Variants in NKD1 observed in about 807,000 individuals in gnomAD.
NKD1 encodes protein naked cuticle homolog 1.
NKD1 carries 21 observed loss-of-function variants against 56.0 expected under a neutral mutation model. That is an observed-to-expected ratio of 0.38 (90% CI 0.27 to 0.54). The LOEUF is 0.54. NKD1 is among the 20% of genes least tolerant of loss of function. The pLI is 0.82. For missense variants in NKD1, 578 were observed against 642.7 expected, an observed-to-expected ratio of 0.90 and a Z score of 1.09; for synonymous variants, 263 against 265.7, an observed-to-expected ratio of 0.99 and a Z score of 0.10.
At chr16:50,564,022 G>A (rs978585154) in intron 3 of NKD1, among the ~76,000 whole-genome samples, 1 of 152,272 alleles carries the variant, frequency 6.6e-6, no homozygotes, top group Admixed American at 6.5e-5. Context: ...GGGCAGGGAG[G>A]CGTCAAAGGA....
rs1960296713 is a variant in NKD1 at position 50,548,718 on chromosome 16, C to T, written c.27C>T (p.Ala9=). 3.4e-6 allele frequency: 5 copies of T among 1,456,340 alleles called. No homozygotes were observed. The highest frequency in any genetic ancestry group is 4.5e-6 in the Non-Finnish European group (5 of 1,113,654). The allele number at this position is 1,456,340 out of a possible 1,614,324, so 90.2% of individuals were successfully genotyped here. MGKLHSKP[A]AVCKRRESPE... is the part of the protein sequence containing the mutation. ...CGCCGCCTCGCGATGTGCCTGCAGC[C>T]GCCGTGTGCAAGCGCAGGGAGAGCC... is the stretch of plus-strand genomic sequence containing the variant. The change falls in exon 2 of 10, where the codon GCC becomes GCT. Residue 9 remains alanine (A), a splice_region_variant and synonymous_variant. Transcript: ENST00000268459.
At chr16:50,597,103 A>G (rs1256128463) in intron 3 of NKD1, among the ~76,000 whole-genome samples, 1 of 152,164 alleles carries the variant, frequency 6.6e-6, no homozygotes, top group Non-Finnish European at 1.5e-5. Flanking sequence ...CGACGAGGGC[A>G]GAGAATAGAA....
intron 3 of NKD1, among the ~76,000 whole-genome samples, chr16:50,592,536 G>A (rs936365688): frequency 1.3e-5 from 2 of 152,204 alleles, no homozygotes; most frequent in African/African-American, 4.8e-5. Flanking sequence ...AGCTCTGTAA[G>A]GGCCTTCAGT....
At chr16:50,579,478 C>G (rs1457491481) in intron 3 of NKD1, among the ~76,000 whole-genome samples, 1 of 129,788 alleles carries the variant, frequency 7.7e-6, no homozygotes, top group Non-Finnish European at 1.6e-5. Flanking sequence ...GTCCTGCGGG[C>G]TACCCGCTAC....
Position 50,643,107 on chromosome 16 carries a change from A to G in NKD1, c.*9326A>G, listed in dbSNP as rs1012971372. On this transcript the variant is annotated 3_prime_UTR_variant, in exon 10 of 10. Transcript: ENST00000268459. ...GGGGAAAGAGGTGGCCTCTGGAGCAATGCTTCGCTACCCTACATCTGGGTC... is the reference window on the plus strand; with the variant it reads ...GGGGAAAGAGGTGGCCTCTGGAGCAGTGCTTCGCTACCCTACATCTGGGTC... 2 of 152,190 alleles carry G rather than the reference A, an allele frequency of 1.3e-5. No individual in the cohort carries two copies. Among genetic ancestry groups the G allele is most frequent in the Admixed American group, 6.5e-5 (1 of 15,282 alleles). The allele number at this position is 152,190 out of a possible 1,614,324, so 9.4% of individuals were successfully genotyped here. A position where few individuals can be genotyped will look rare whatever the true frequency, so the allele number is the denominator to read the frequency against.
intron 3 of NKD1, among the ~76,000 whole-genome samples, chr16:50,594,030 CTG>C (rs1961423962): frequency 6.6e-6 from 1 of 152,146 alleles, no homozygotes; most frequent in Non-Finnish European, 1.5e-5. Flanking sequence ...AACTTACAGT[CTG>C]TGAAGCCAGC....
At chr16:50,615,465 C>G (rs1596745230) in intron 4 of NKD1, among the ~76,000 whole-genome samples, 3 of 152,178 alleles carry the variant, frequency 2.0e-5, no homozygotes, top group African/African-American at 7.2e-5. Flanking sequence ...GAGGGTGTGA[C>G]AGCATGCTGC....
At chr16:50,603,360 C>T (rs34102745) in intron 3 of NKD1, among the ~76,000 whole-genome samples, 4,298 of 152,276 alleles carry the variant, frequency 0.028, 104 homozygotes, top group East Asian at 0.14. Flanking sequence ...GCCTTGAGAG[C>T]GCCTGGCCAG....
rs1960934683 is a variant in NKD1, at chr16:50,573,732, T to A, written c.192+24177T>A. The A allele has an allele frequency of 1.0e-5, 8 of 803,342 alleles. No homozygotes were observed. The South Asian group carries it at 4.5e-4, about 45-fold the overall frequency. 49.8% of individuals were successfully genotyped at this position (803,342 alleles called of 1,614,324 possible). On this transcript the variant is annotated intron_variant, in intron 3 of 9. Transcript: ENST00000268459. Reference sequence around the variant, plus strand: ...GCAGCTGCTCCTAAAAGTGTCTCTGTGTATTAGAATAGCTTGGGGAAAATT... The same window carrying A: ...GCAGCTGCTCCTAAAAGTGTCTCTGAGTATTAGAATAGCTTGGGGAAAATT...
At chr16:50,588,988 G>A (rs939421000) in intron 3 of NKD1, among the ~76,000 whole-genome samples, 5 of 152,110 alleles carry the variant, frequency 3.3e-5, no homozygotes, top group African/African-American at 4.8e-5. Flanking sequence ...TTGTTGTGAC[G>A]ATTAAATGAG....
At chr16:50,601,448 G>C (rs1006546346) in intron 3 of NKD1, among the ~76,000 whole-genome samples, 1 of 152,222 alleles carries the variant, frequency 6.6e-6, no homozygotes, top group Non-Finnish European at 1.5e-5. Context: ...GTGCCTGCGT[G>C]GTACCAGGCG....
rs571605368 is a variant in NKD1 at position 50,583,323 on chromosome 16, C to T, written c.193-24971C>T. 2.2e-4 allele frequency among the ~76,000 whole-genome samples: 33 copies of T among 152,296 alleles called. No individual in the cohort carries two copies. The South Asian group carries it at 2.3e-3, about 11-fold the overall frequency. ...CTGGAGAAACTACTTGGAGAGGTCA[C>T]GTGGAGAGTGAGGCTCTGAGACCGA... On this transcript the variant is annotated intron_variant, in intron 3 of 9. Coordinates refer to ENST00000268459, the MANE Select transcript of NKD1 (RefSeq NM_033119.5).
In NKD1 at chr16:50,647,934, A is replaced by G. The variant is rs1409129636; in HGVS notation, c.*14153A>G. 6.6e-6 allele frequency: 1 copy of G among 152,234 alleles called. No individual in the cohort carries two copies. The highest frequency in any genetic ancestry group is 2.4e-5 in the African/African-American group (1 of 41,440). 9.4% of individuals were successfully genotyped at this position (152,234 alleles called of 1,614,324 possible). ...CATTCAGGGTTTGGGGCAGGTGTCA[A>G]CCACAAGAACATTAAACAGGCTCTT... is the stretch of plus-strand genomic sequence containing the variant. On this transcript the variant is annotated 3_prime_UTR_variant, in exon 10 of 10. Coordinates refer to ENST00000268459, the MANE Select transcript of NKD1 (RefSeq NM_033119.5).
rs1432342894 is a variant in NKD1, at chr16:50,633,263, G to A, written c.895G>A (p.Glu299Lys). 6.2e-7 allele frequency: 1 copy of A among 1,614,052 alleles called. No individual in the cohort carries two copies. The highest frequency in any genetic ancestry group is 1.1e-5 in the South Asian group (1 of 91,082). Residue 299 changes from glutamate to lysine, a missense_variant, in exon 10 of 10, where the codon GAG (glutamate) becomes AAG (lysine). Coordinates refer to ENST00000268459, the MANE Select transcript of NKD1 (RefSeq NM_033119.5). This position sits in a 1 kb window ranked among gnomAD's most constrained non-coding sequence, Gnocchi z 4.9. ...CAATCCCACTCGATCTCGCTCCCAT[G>A]AGCCGGAAGCCATCCACATCCCACA... is the stretch of plus-strand genomic sequence containing the variant. Reference protein sequence around the residue: ...TSNPTRSRSHEPEAIHIPHRK... With the variant: ...TSNPTRSRSHKPEAIHIPHRK...
chr16:50,549,447 C>G lies in NKD1; in HGVS notation c.84C>G (p.Ala28=). The change falls in exon 3 of 10, where the codon GCC becomes GCG. Residue 28 remains alanine, a synonymous_variant. Transcript: ENST00000268459. The part of the protein sequence containing the change: ...PEGDSFAVSA[A]WARKGIEEWI... ...GTGACAGCTTCGCCGTGAGCGCTGCCTGGGCTCGGAAGGGCATCGAGGAGT... is the reference window on the plus strand; with the variant it reads ...GTGACAGCTTCGCCGTGAGCGCTGCGTGGGCTCGGAAGGGCATCGAGGAGT... 6.2e-7 allele frequency: 1 copy of G among 1,611,528 alleles called. No individual in the cohort carries two copies. Among genetic ancestry groups the G allele is most frequent in the Non-Finnish European group, 8.5e-7 (1 of 1,178,980 alleles).
Position 50,637,386 on chromosome 16 carries a change from G to A in NKD1, c.*3605G>A, listed in dbSNP as rs940003479. ...GTTCGAGACCAACCTGGGCAACATG[G>A]TGAAACCCCGTTTCTACTAAAAATA... On this transcript the variant is annotated 3_prime_UTR_variant, in exon 10 of 10. Transcript: ENST00000268459. 1 of 152,178 alleles carries A rather than the reference G, an allele frequency of 6.6e-6. No homozygotes were observed. The highest frequency in any genetic ancestry group is 1.5e-5 in the Non-Finnish European group (1 of 68,052). 9.4% of individuals were successfully genotyped at this position (152,178 alleles called of 1,614,324 possible).
rs1962411284 is a variant in NKD1 at position 50,633,870 on chromosome 16, T to C, written c.*89T>C. 1.6e-6 allele frequency: 1 copy of C among 616,604 alleles called. No homozygotes were observed. Among genetic ancestry groups the C allele is most frequent in the Non-Finnish European group, 2.7e-6 (1 of 366,834 alleles). The allele number at this position is 616,604 out of a possible 1,614,324, so 38.2% of individuals were successfully genotyped here. On this transcript the variant is annotated 3_prime_UTR_variant, in exon 10 of 10. Transcript: ENST00000268459. The surrounding 1 kb of genome is among the most constrained non-coding windows in gnomAD (Gnocchi z 4.9). ...ATTATTCTATTAATTATTGTTATTA[T>C]GATGATTATTGTTATTAATAATTAT...
rs547667583 is a variant in NKD1, at chr16:50,632,089, G to A, written c.696-192G>A. 2.0e-5 allele frequency among the ~76,000 whole-genome samples: 3 copies of A among 152,342 alleles called. No individual in the cohort carries two copies. The highest frequency in any genetic ancestry group is 4.1e-4 in the South Asian group (2 of 4,832). ...GGCTGTGGGCTGTGGTCTATGGTCT[G>A]TCTCTCCATCGGCAAGGAGGGAAAT... On this transcript the variant is annotated intron_variant, in intron 8 of 9. Transcript: ENST00000268459. This position sits in a 1 kb window ranked among gnomAD's most constrained non-coding sequence, Gnocchi z 4.1.
intron 3 of NKD1, 187 bp from the exon 4 acceptor site, chr16:50,608,107 G>T: frequency 1.6e-6 from 1 of 608,794 alleles, no homozygotes; most frequent in Non-Finnish European, 3.0e-6. Flanking sequence ...TGATGCGTGT[G>T]GGTTTATGTT....
Sources: gnomAD v4.1 joint callset for allele counts (sites outside exome capture counted in the v4.1 genomes callset) on GRCh38, gnomAD v4.1.1 for gene constraint, Gnocchi (gnomAD v3.1) non-coding constraint, MANE v1.5 for transcripts, NCBI Gene and HGNC (gene_info 2026-07-23, HGNC 2026-07-21) for gene names.